Variants in GRM5 observed in about 807,000 individuals in gnomAD.
GRM5 encodes glutamate metabotropic receptor 5.
A neutral mutation model predicts 83.1 loss-of-function variants in GRM5; 19 were observed. The observed-to-expected ratio is 0.23, with a 90% CI of 0.16 to 0.34. The LOEUF (loss-of-function observed/expected upper bound fraction) is 0.34. GRM5 is among the 10% of genes least tolerant of loss of function. GRM5 has a pLI of 1.00. For missense variants in GRM5, 1,160 were observed against 1,588.3 expected (o/e 0.73, Z 4.58); for synonymous variants, 675 against 633.6 (o/e 1.07, Z -0.98).
chr11:89,012,345 A>G (rs772149959), intron 2 of GRM5, among the ~76,000 whole-genome samples: 11 of 152,196 alleles, frequency 7.2e-5, no homozygotes, highest in Non-Finnish European at 1.2e-4. Context: ...GGTGCCCAGC[A>G]GGAGGAAGCT....
chr11:88,993,860 G>T (rs1370851716), intron 2 of GRM5, among the ~76,000 whole-genome samples: 1 of 152,084 alleles, frequency 6.6e-6, no homozygotes, highest in South Asian at 2.1e-4. Flanking sequence ...TACGTGGAAT[G>T]ACAGGCTTGA....
At chr11:88,646,314 T>C (rs1939445288) in intron 4 of GRM5, among the ~76,000 whole-genome samples, 1 of 151,966 alleles carries the variant, frequency 6.6e-6, no homozygotes. Flanking sequence ...TTATTACTTT[T>C]AATTTATTAT....
chr11:88,508,787 G>A lies in GRM5; in HGVS notation c.3444C>T (p.Pro1148=). ...DAARESPAAG[P]EAAAAKPDLE... The stretch of plus-strand genomic sequence containing the variant: ...GGTCTGGCTTGGCGGCCGCAGCCTC[G>A]GGACCGGCCGCGGGGCTCTCCCGGG... Residue 1148 remains proline (P), a synonymous_variant, in exon 10 of 10, where the codon CCC becomes CCT. Coordinates refer to ENST00000305447, the MANE Select transcript of GRM5 (RefSeq NM_001143831.3). This position sits in a 1 kb window ranked among gnomAD's most constrained non-coding sequence, Gnocchi z 4.2. 2.7e-6 allele frequency: 4 copies of A among 1,459,658 alleles called. No homozygotes were observed. The highest frequency in any genetic ancestry group is 2.9e-5 in the South Asian group (2 of 69,438). 90.4% of individuals were successfully genotyped at this position (1,459,658 alleles called of 1,614,324 possible).
At chr11:88,950,350 A>ACGTG (rs1938418073) in intron 2 of GRM5, among the ~76,000 whole-genome samples, 2 of 65,590 alleles carry the variant, frequency 3.0e-5, no homozygotes, top group East Asian at 1.4e-3. Flanking sequence ...TTTGTGAGAT[A>ACGTG]AGTGTGTGTG....
chr11:88,985,394 T>C (rs773113324), intron 2 of GRM5, among the ~76,000 whole-genome samples: 3 of 152,092 alleles, frequency 2.0e-5, no homozygotes, highest in African/African-American at 4.8e-5. Flanking sequence ...AGTCAAGCTA[T>C]TAGAGAAGCA....
At chr11:88,705,344 T>C (rs931082190) in intron 3 of GRM5, among the ~76,000 whole-genome samples, 1 of 152,112 alleles carries the variant, frequency 6.6e-6, no homozygotes, top group African/African-American at 2.4e-5. Flanking sequence ...GAGATTTTAA[T>C]GGCAGCCAGG....
intron 2 of GRM5, among the ~76,000 whole-genome samples, chr11:89,027,754 A>T (rs911544651): frequency 6.6e-6 from 1 of 152,228 alleles, no homozygotes; most frequent in African/African-American, 2.4e-5. Context: ...GTATGTATTT[A>T]TTTGACCTCC....
intron 2 of GRM5, among the ~76,000 whole-genome samples, chr11:89,040,215 T>G (rs2135139796): frequency 6.6e-6 from 1 of 152,312 alleles, no homozygotes; most frequent in African/African-American, 2.4e-5. Context: ...TCATGTCAGT[T>G]ATCTTACTTT....
At chr11:88,724,740 G>A (rs968636006) in intron 3 of GRM5, among the ~76,000 whole-genome samples, 3 of 152,094 alleles carry the variant, frequency 2.0e-5, no homozygotes, top group East Asian at 1.9e-4. Context: ...TAGACAGTAG[G>A]TGCAGCCCAT....
chr11:88,915,555 G>T (rs1945575736), intron 2 of GRM5, among the ~76,000 whole-genome samples: 1 of 140,826 alleles, frequency 7.1e-6, no homozygotes. Context: ...TTCTTGCAAA[G>T]GTCATATATT....
intron 2 of GRM5, among the ~76,000 whole-genome samples, chr11:89,005,346 A>T (rs2135077733): frequency 6.6e-6 from 1 of 152,300 alleles, no homozygotes; most frequent in East Asian, 1.9e-4. Context: ...AAAGAGCAGA[A>T]ATAACAGGAG....
chr11:89,024,601 T>A (rs1222913026), intron 2 of GRM5, among the ~76,000 whole-genome samples: 1 of 152,174 alleles, frequency 6.6e-6, no homozygotes, highest in African/African-American at 2.4e-5. Flanking sequence ...CTCAAAGATC[T>A]CAAGATCAAA....
intron 2 of GRM5, among the ~76,000 whole-genome samples, chr11:88,892,599 C>T (rs1208774745): frequency 6.6e-6 from 1 of 152,008 alleles, no homozygotes; most frequent in East Asian, 1.9e-4. Context: ...AGAACACAGT[C>T]CTATCATAAT....
intron 2 of GRM5, among the ~76,000 whole-genome samples, chr11:89,018,231 A>T (rs534925740): frequency 6.6e-6 from 1 of 152,264 alleles, no homozygotes; most frequent in East Asian, 1.9e-4. Flanking sequence ...TCTATAGGCC[A>T]AATAGTTGTG....
intron 4 of GRM5, among the ~76,000 whole-genome samples, chr11:88,643,716 G>C (rs1354412): frequency 6.6e-6 from 1 of 152,086 alleles, no homozygotes; most frequent in Non-Finnish European, 1.5e-5. Context: ...GTACTATTCC[G>C]GTATTCTAGC....
chr11:88,612,100 G>A (rs1345852434), intron 4 of GRM5, among the ~76,000 whole-genome samples: 26 of 147,308 alleles, frequency 1.8e-4, no homozygotes, highest in South Asian at 4.3e-4. Flanking sequence ...TATATCTCCC[G>A]ATGCTATCCC....
At chr11:88,685,587 C>T (rs61148390) in intron 3 of GRM5, among the ~76,000 whole-genome samples, 1,889 of 152,244 alleles carry the variant, frequency 0.012, 43 homozygotes, top group African/African-American at 0.042. Flanking sequence ...CATGGCAGGC[C>T]CTCCCATCAC....
At chr11:88,526,547 C>T (rs1215825770) in intron 8 of GRM5, among the ~76,000 whole-genome samples, 1 of 152,180 alleles carries the variant, frequency 6.6e-6, no homozygotes, top group Non-Finnish European at 1.5e-5. Context: ...ACCACTTCAT[C>T]CACCTTCCTG....
intron 3 of GRM5, among the ~76,000 whole-genome samples, 192 bp downstream of exon 3, chr11:88,849,714 T>G (rs1944357079): frequency 6.6e-6 from 1 of 152,196 alleles, no homozygotes; most frequent in African/African-American, 2.4e-5. Context: ...CTGTTACTAT[T>G]AATCAGCACA....
Sources: allele counts gnomAD v4.1 joint callset (sites outside exome capture counted in the v4.1 genomes callset), GRCh38; gene constraint gnomAD v4.1.1; non-coding constraint Gnocchi (gnomAD v3.1); transcripts MANE v1.5; gene names NCBI Gene and HGNC (gene_info 2026-07-23, HGNC 2026-07-21).